MED12: variants seen among roughly 807,000 people sequenced by gnomAD.
MED12 encodes the protein mediator of RNA polymerase II transcription subunit 12.
A neutral mutation model predicts 177.7 loss-of-function variants in MED12; 10 were observed. That is an observed-to-expected ratio of 0.06 (90% CI 0.03 to 0.10). The LOEUF is 0.10. Ranked by LOEUF, MED12 falls within the 10% of genes least tolerant of loss-of-function variation. The pLI is 1.00. For missense variants in MED12, 867 were observed against 1,780.8 expected, an observed-to-expected ratio of 0.49 and a Z score of 9.23; for synonymous variants, 641 against 678.4, an observed-to-expected ratio of 0.94 and a Z score of 0.86.
Position 71,124,221 on chromosome X carries a change from C to T in MED12, c.1807C>T (p.Leu603=), listed in dbSNP as rs797045696. The part of the protein sequence containing the change: ...FFNLVLLFCE[L]IRHDVFSHNM... The stretch of plus-strand genomic sequence containing the variant: ...TAACTTAGTACTGCTGTTCTGTGAA[C>T]TGATTCGACATGATGTTTTCTCCCA... The change falls in exon 13 of 45, where the codon CTG becomes TTG. Residue 603 remains leucine, a synonymous_variant. Coordinates refer to ENST00000374080, the MANE Select transcript of MED12 (RefSeq NM_005120.3). The T allele has an allele frequency of 1.7e-6, 2 of 1,209,598 alleles. No homozygotes were observed. The highest frequency in any genetic ancestry group is 3.5e-5 in the African/African-American group (2 of 57,060).
chrX:71,137,864 C>T lies in MED12; in HGVS notation c.5965C>T (p.Arg1989Cys), dbSNP rs1009330609. 5 of 1,209,798 alleles carry T rather than the reference C, an allele frequency of 4.1e-6. No homozygotes were observed. Among genetic ancestry groups the T allele is most frequent in the African/African-American group, 1.8e-5 (1 of 57,101 alleles). The change falls in exon 41 of 45, where the codon CGC becomes TGC. Residue 1989 changes from arginine (R) to cysteine (C), a missense_variant. Transcript: ENST00000374080. ...STNPTLVDPT[R>C]HLQQRPSGYV... ...CAATCCTACTCTTGTAGATCCTACC[C>T]GCCACCTGCAACAGCGGCCCAGTGG...
intron 9 of MED12, 54 bp downstream of exon 9, chrX:71,122,661 A>G: frequency 8.3e-7 from 1 of 1,199,453 alleles, no homozygotes; most frequent in Non-Finnish European, 1.1e-6. Flanking sequence ...GGATGGGGAT[A>G]GTAAGGACAT....
intron 43 of MED12, 55 bp downstream of exon 43, chrX:71,141,425 C>T: frequency 8.6e-7 from 1 of 1,156,903 alleles, no homozygotes; most frequent in South Asian, 1.9e-5. Flanking sequence ...GTTGGGCACG[C>T]AGCCAGTGAA....
At chrX:71,134,247 A>G (rs1327111744) in intron 33 of MED12, 110 bp from the exon 34 acceptor site, 1 of 452,287 alleles carries the variant, frequency 2.2e-6, no homozygotes, top group African/African-American at 2.5e-5. Flanking sequence ...AAAAAAAAAA[A>G]AAAACTCAAG....
At chrX:71,132,626 G>A (rs2092320399) in intron 31 of MED12, 88 bp downstream of exon 31, 1 of 1,062,312 alleles carries the variant, frequency 9.4e-7, no homozygotes, top group East Asian at 3.3e-5. Context: ...CCAAGGAGAA[G>A]CATCATAGGA....
chrX:71,140,754 A>G lies in MED12; in HGVS notation c.6164A>G (p.Gln2055Arg). Residue 2055 changes from glutamine (Q) to arginine (R), a missense_variant, in exon 42 of 45, where the codon CAG (glutamine) becomes CGG (arginine). By Grantham distance (43) the Gln-to-Arg change is conservative. Coordinates refer to ENST00000374080, the MANE Select transcript of MED12 (RefSeq NM_005120.3). ...TAILPEQQQQ[Q>R]QQQQQQQQQQ... Reference sequence around the variant, plus strand: ...ATCCTACCTGAGCAGCAGCAGCAGCAGCAACAGCAGCAACAGCAACAGCAG... The same window carrying G: ...ATCCTACCTGAGCAGCAGCAGCAGCGGCAACAGCAGCAACAGCAACAGCAG... 1 of 1,210,622 alleles carries G rather than the reference A, an allele frequency of 8.3e-7. No individual in the cohort carries two copies. The highest frequency in any genetic ancestry group is 1.1e-6 in the Non-Finnish European group (1 of 895,140).
rs1275427306 is a variant in MED12, at chrX:71,124,228, G to A, written c.1814G>A (p.Arg605Gln). 1 of 1,209,387 alleles carries A rather than the reference G, an allele frequency of 8.3e-7. No homozygotes were observed. Among genetic ancestry groups the A allele is most frequent in the Non-Finnish European group, 1.1e-6 (1 of 894,909 alleles). Residue 605 changes from arginine to glutamine, a missense_variant, in exon 13 of 45, where the codon CGA becomes CAA. Physicochemically the swap from Arg to Gln is conservative, Grantham distance 43. Coordinates refer to ENST00000374080, the MANE Select transcript of MED12 (RefSeq NM_005120.3). ...GTACTGCTGTTCTGTGAACTGATTC[G>A]ACATGATGTTTTCTCCCACAACATG... ...NLVLLFCELIRHDVFSHNMYT... is the reference protein window; with the variant it reads ...NLVLLFCELIQHDVFSHNMYT...
At position 71,121,291 on chromosome X, in the gene MED12, C is replaced by CT. The variant is rs747373663; in HGVS notation, c.736-35dup. The CT allele has an allele frequency of 1.9e-4, 220 of 1,165,805 alleles. 1 individual carries two copies. In the African/African-American group the frequency reaches 3.8e-3, roughly 20 times the overall value. On this transcript the variant is annotated intron_variant, in intron 5 of 44. Coordinates refer to ENST00000374080, the MANE Select transcript of MED12 (RefSeq NM_005120.3). ...TTCATTTACTTTATCTGCTTCATCT[C>CT]TAATAGTCCCCTCTTCCCTCCCCTG...
At chrX:71,136,801 CTT>C in intron 37 of MED12, 76 bp from the exon 38 acceptor site, 1 of 1,198,073 alleles carries the variant, frequency 8.3e-7, no homozygotes, top group Non-Finnish European at 1.1e-6. Flanking sequence ...TTCAGCTCCT[CTT>C]TACCTCATTC....
Position 71,121,033 on chromosome X carries a change from C to T in MED12, c.616C>T (p.Arg206Trp). 5 of 1,211,696 alleles carry T rather than the reference C, an allele frequency of 4.1e-6. No individual in the cohort carries two copies. The highest frequency in any genetic ancestry group is 5.6e-6 in the Non-Finnish European group (5 of 895,386). ...EQLQKMAEYY[R>W]PGPAGSGGCG... ...GTTACAGAAGATGGCTGAATACTACCGGCCAGGGCCTGCAGGAAGTGGGGG... is the reference window on the plus strand; with the variant it reads ...GTTACAGAAGATGGCTGAATACTACTGGCCAGGGCCTGCAGGAAGTGGGGG... The change falls in exon 5 of 45, where the codon CGG (arginine) becomes TGG (tryptophan). Residue 206 changes from arginine to tryptophan, a missense_variant. Around this residue, in one of 14 missense-constraint regions of MED12, gnomAD observed 309 missense variants for 556.3 expected, o/e 0.56. Coordinates refer to ENST00000374080, the MANE Select transcript of MED12 (RefSeq NM_005120.3).
At chrX:71,128,495 G>C in intron 23 of MED12, 55 bp downstream of exon 23, 1 of 1,209,749 alleles carries the variant, frequency 8.3e-7, no homozygotes, top group Non-Finnish European at 1.1e-6. Context: ...CAGGGGGCTG[G>C]TTGTGATCCT....
At chrX:71,134,996 G>A in intron 35 of MED12, 96 bp from the exon 36 acceptor site, 3 of 1,152,084 alleles carry the variant, frequency 2.6e-6, no homozygotes, top group Non-Finnish European at 2.4e-6. Flanking sequence ...ACTGAGTGGG[G>A]GTCTTCTCTG....
At chrX:71,120,741 G>A (rs2092287270) in intron 4 of MED12, among the ~76,000 whole-genome samples, 1 of 110,156 alleles carries the variant, frequency 9.1e-6, no homozygotes. Context: ...CTCCCGAGTA[G>A]CTGGGATTAC....
rs1052898656 is a variant in MED12, at chrX:71,121,098, G to C, written c.681G>C (p.Glu227Asp). ...TAGGGCCCTTGCCCCATGATGTAGA[G>C]GTGGCAATCCGGCAGTGGGATTACA... ...STIGPLPHDV[E>D]VAIRQWDYTE... is the part of the protein sequence containing the mutation. The change falls in exon 5 of 45, where the codon GAG becomes GAC. Residue 227 changes from glutamate to aspartate, a missense_variant. Coordinates refer to ENST00000374080, the MANE Select transcript of MED12 (RefSeq NM_005120.3). The C allele has an allele frequency of 8.3e-7, 1 of 1,209,149 alleles. No homozygotes were observed. Among genetic ancestry groups the C allele is most frequent in the Non-Finnish European group, 1.1e-6 (1 of 894,991 alleles).
intron 15 of MED12, 70 bp from the exon 16 acceptor site, chrX:71,125,281 G>C (rs2092300024): frequency 1.7e-6 from 2 of 1,202,607 alleles, no homozygotes; most frequent in Non-Finnish European, 2.3e-6. Flanking sequence ...ATGCTGAGGG[G>C]TGTGGAGCAT....
chrX:71,133,010 A>T, intron 32 of MED12, 54 bp downstream of exon 32: 1 of 1,060,344 alleles, frequency 9.4e-7, no homozygotes, highest in Non-Finnish European at 1.3e-6. Context: ...GGATGCACCT[A>T]AGGGGTTACT....
In MED12 at chrX:71,134,342, T is replaced by C; in HGVS notation, c.4618-15T>C. On this transcript the variant is annotated splice_polypyrimidine_tract_variant and intron_variant, in intron 33 of 44. Coordinates refer to ENST00000374080, the MANE Select transcript of MED12 (RefSeq NM_005120.3). ...GTCCCTGAGCCATCTGACTGACTTG[T>C]TGTGGCCCTGGCAGGTGGGGGGCAT... The C allele has an allele frequency of 1.9e-6, 2 of 1,063,634 alleles. No individual in the cohort carries two copies. Among genetic ancestry groups the C allele is most frequent in the Non-Finnish European group, 2.6e-6 (2 of 778,028 alleles). The allele number at this position is 1,063,634 out of a possible 1,213,427, so 87.7% of individuals were successfully genotyped here.
intron 15 of MED12, 70 bp downstream of exon 15, chrX:71,125,216 G>T: frequency 1.7e-5 from 20 of 1,191,785 alleles, no homozygotes; most frequent in Non-Finnish European, 2.3e-5. Flanking sequence ...TTTGCTGAGG[G>T]GTTGGAGCTG....
intron 35 of MED12, 53 bp downstream of exon 35, chrX:71,134,901 G>A: frequency 8.3e-7 from 1 of 1,205,467 alleles, no homozygotes; most frequent in Non-Finnish European, 1.1e-6. Flanking sequence ...CTGCTGTCCA[G>A]CCTCAGGAAC....
Sources: allele counts gnomAD v4.1 joint callset (sites outside exome capture counted in the v4.1 genomes callset), GRCh38; gene constraint gnomAD v4.1.1; regional missense constraint gnomAD v4.1.1; transcripts MANE v1.5; gene names NCBI Gene and HGNC (gene_info 2026-07-23, HGNC 2026-07-21).